Variants in ARHGAP44 observed in about 807,000 individuals in gnomAD.
ARHGAP44 encodes the protein Rho GTPase activating protein 44, also known as rho GTPase-activating protein 44.
A neutral mutation model predicts 106.8 loss-of-function variants in ARHGAP44; 43 were observed. The ratio of observed to expected loss-of-function variants is 0.40; its 90% CI spans 0.32 to 0.52. The LOEUF (loss-of-function observed/expected upper bound fraction) is 0.52, where lower values mean the gene tolerates loss of function less well. Among genes scored for constraint, ARHGAP44 ranks in the 20% least tolerant of loss-of-function variants. The pLI, the probability that ARHGAP44 is intolerant of heterozygous loss-of-function variation, is 0.48. For synonymous variants in ARHGAP44, 439 were observed against 410.3 expected (o/e 1.07, Z -0.85); for missense variants, 866 against 1,050.5 (o/e 0.82, Z 2.43).
chr17:12,984,933 C>CT (rs758849438), intron 20 of ARHGAP44, 25 bp downstream of exon 20: 41 of 1,573,976 alleles, frequency 2.6e-5, no homozygotes, highest in South Asian at 1.3e-4. Context: ...GGCTCCCTCA[C>CT]TTTTTTTTAT....
At chr17:12,850,323 T>C (rs1377064770) in intron 1 of ARHGAP44, among the ~76,000 whole-genome samples, 2 of 152,110 alleles carry the variant, frequency 1.3e-5, no homozygotes, top group Non-Finnish European at 2.9e-5. Context: ...ACTGCCTTTC[T>C]TTACGCATTA....
chr17:12,929,931 C>T (rs2038351423), intron 7 of ARHGAP44, among the ~76,000 whole-genome samples: 3 of 152,212 alleles, frequency 2.0e-5, no homozygotes, highest in African/African-American at 7.2e-5. Context: ...TACAGCCACC[C>T]TGTGCAAGTG....
At chr17:12,867,385 A>C (rs2036264333) in intron 1 of ARHGAP44, among the ~76,000 whole-genome samples, 1 of 152,088 alleles carries the variant, frequency 6.6e-6, no homozygotes, top group African/African-American at 2.4e-5. Context: ...CAGGGGTGGG[A>C]GGCATGTAAA....
chr17:12,842,350 G>C (rs2035436669), intron 1 of ARHGAP44, among the ~76,000 whole-genome samples: 1 of 149,024 alleles, frequency 6.7e-6, no homozygotes, highest in South Asian at 2.1e-4. Context: ...CCAGGAGGTC[G>C]AGGCTGTGGT....
At chr17:12,829,229 C>G (rs1329770442) in intron 1 of ARHGAP44, among the ~76,000 whole-genome samples, 3 of 152,066 alleles carry the variant, frequency 2.0e-5, no homozygotes, top group Non-Finnish European at 4.4e-5. Flanking sequence ...CCTAATTGAG[C>G]TGGTCCGTCA....
At chr17:12,931,637 C>G (rs1182425115) in intron 7 of ARHGAP44, among the ~76,000 whole-genome samples, 1 of 151,998 alleles carries the variant, frequency 6.6e-6, no homozygotes, top group Non-Finnish European at 1.5e-5. Context: ...GCTGGGACTA[C>G]AGGCGCCCGC....
intron 18 of ARHGAP44, 107 bp downstream of exon 18, chr17:12,974,417 C>T (rs2039619006): frequency 1.0e-6 from 1 of 956,648 alleles, no homozygotes; most frequent in Non-Finnish European, 1.4e-6. Flanking sequence ...CATGCCCCCG[C>T]CCCCATTTCT....
Position 12,827,754 on chromosome 17 carries a change from G to C in ARHGAP44, c.53+37863G>C, listed in dbSNP as rs140523924. Among the ~76,000 whole-genome samples, 212 of 152,190 alleles carry C rather than the reference G, an allele frequency of 1.4e-3. 5 individuals are homozygous for C. The East Asian group carries it at 0.033, about 23-fold the overall frequency. ...GGGTTTGACTGCTGGAGAGTCATGAGATTGATTTTTAAAAAAATTAGTAAC... is the reference window on the plus strand; with the variant it reads ...GGGTTTGACTGCTGGAGAGTCATGACATTGATTTTTAAAAAAATTAGTAAC... On this transcript the variant is annotated intron_variant, in intron 1 of 20. Transcript: ENST00000379672.
intron 7 of ARHGAP44, among the ~76,000 whole-genome samples, chr17:12,933,255 A>G (rs116517162): frequency 0.011 from 1,671 of 152,160 alleles, 27 homozygotes; most frequent in African/African-American, 0.036. Context: ...GGGATCTCCT[A>G]TATTGTGGCA....
chr17:12,822,297 A>G (rs570336022), intron 1 of ARHGAP44, among the ~76,000 whole-genome samples: 1 of 152,332 alleles, frequency 6.6e-6, no homozygotes, highest in East Asian at 1.9e-4. Context: ...TTGTCACAGA[A>G]TATTTTTCCA....
chr17:12,815,155 C>T (rs2034561962), intron 1 of ARHGAP44, among the ~76,000 whole-genome samples: 2 of 151,878 alleles, frequency 1.3e-5, no homozygotes, highest in African/African-American at 4.8e-5. Flanking sequence ...AGATTCTTGT[C>T]CTGGCTTTCC....
chr17:12,793,317 C>T (rs1252525142), intron 1 of ARHGAP44, among the ~76,000 whole-genome samples: 1 of 152,226 alleles, frequency 6.6e-6, no homozygotes, highest in Non-Finnish European at 1.5e-5. Flanking sequence ...TGCACTATGG[C>T]ATATGTACCT....
At chr17:12,929,466 C>G (rs1268063010) in intron 7 of ARHGAP44, 1 of 156,086 alleles carries the variant, frequency 6.4e-6, no homozygotes. Flanking sequence ...TTGCTTTATC[C>G]ATCCTATGCC....
intron 1 of ARHGAP44, among the ~76,000 whole-genome samples, chr17:12,890,569 C>T (rs1295020463): frequency 6.6e-6 from 1 of 152,170 alleles, no homozygotes; most frequent in East Asian, 1.9e-4. Context: ...CCTCCTAGAG[C>T]TCTGAGCCTG....
At chr17:12,989,376 T>C (rs903615315) in intron 20 of ARHGAP44, among the ~76,000 whole-genome samples, 2 of 152,188 alleles carry the variant, frequency 1.3e-5, no homozygotes, top group African/African-American at 4.8e-5. Flanking sequence ...GTCCAGACAC[T>C]GAGCTGTTAT....
At chr17:12,977,857 G>A (rs1163837670) in intron 18 of ARHGAP44, among the ~76,000 whole-genome samples, 1 of 152,012 alleles carries the variant, frequency 6.6e-6, no homozygotes, top group Non-Finnish European at 1.5e-5. Context: ...GGCCAACATG[G>A]TGAAACCCCG....
In ARHGAP44 at chr17:12,955,919, A is replaced by G; in HGVS notation, c.1189A>G (p.Met397Val). The change falls in exon 14 of 21, where the codon ATG (methionine) becomes GTG (valine). Residue 397 changes from methionine (M) to valine (V), a missense_variant. Transcript: ENST00000379672. ...GTCAGAATATCAAGATGTAAACAAG[A>G]TGACTCCCAGTAATATGGCAATTGT... ...KLSEYQDVNKMTPSNMAIVLG... is the reference protein window; with the variant it reads ...KLSEYQDVNKVTPSNMAIVLG... The G allele has an allele frequency of 6.2e-7, 1 of 1,613,616 alleles. No homozygotes were observed.
At chr17:12,938,336 T>C (rs1425319287) in intron 7 of ARHGAP44, among the ~76,000 whole-genome samples, 1 of 152,144 alleles carries the variant, frequency 6.6e-6, no homozygotes, top group East Asian at 1.9e-4. Context: ...TGAAAAAAGA[T>C]TTCAAAAGTT....
At chr17:12,945,974 G>A (rs2038839969) in intron 10 of ARHGAP44, among the ~76,000 whole-genome samples, 1 of 152,040 alleles carries the variant, frequency 6.6e-6, no homozygotes, top group Non-Finnish European at 1.5e-5. Context: ...GGCCAGGCTG[G>A]TCTTGAACTC....
Sources: gnomAD v4.1 joint callset for allele counts (sites outside exome capture counted in the v4.1 genomes callset) on GRCh38, gnomAD v4.1.1 for gene constraint, MANE v1.5 for transcripts, NCBI Gene and HGNC (gene_info 2026-07-23, HGNC 2026-07-21) for gene names.